NSDHL: variants seen among roughly 807,000 people sequenced by gnomAD.
NSDHL encodes the protein sterol-4-alpha-carboxylate 3-dehydrogenase, decarboxylating.
In NSDHL, 1 loss-of-function variant was observed where a neutral mutation model predicts 23.0. The observed-to-expected ratio is 0.04, with a 90% CI of 0.02 to 0.21. NSDHL has a LOEUF of 0.21. NSDHL is among the 10% of genes least tolerant of loss of function. The probability of loss-of-function intolerance (pLI) is 1.00; values close to 1 mark genes in which losing one functional copy is unlikely to be tolerated. For missense variants in NSDHL, 237 were observed against 300.9 expected (o/e 0.79, Z 1.57); for synonymous variants, 128 against 121.1 (o/e 1.06, Z -0.37).
At position 152,853,052 on chromosome X, in the gene NSDHL, A is replaced by G. The variant is rs1239659163; in HGVS notation, c.267+2629A>G. The stretch of plus-strand genomic sequence containing the variant: ...GACAGTGTCACAGTGACTCCATCCC[A>G]TCTCATGGATTAATTACTGTCTAGA... On this transcript the variant is annotated intron_variant, in intron 3 of 7. Coordinates refer to ENST00000370274, the MANE Select transcript of NSDHL (RefSeq NM_015922.3). 3.7e-5 allele frequency among the ~76,000 whole-genome samples: 4 copies of G among 108,357 alleles called. No homozygotes were observed. In the Admixed American group the frequency reaches 4.0e-4, roughly 11 times the overall value. The allele number at this position is 108,357 out of a possible 115,157, so 94.1% of individuals were successfully genotyped here. A position where few individuals can be genotyped will look rare whatever the true frequency, so the allele number is the denominator to read the frequency against.
intron 1 of NSDHL, among the ~76,000 whole-genome samples, chrX:152,843,979 A>C (rs1375163553): frequency 8.9e-6 from 1 of 111,862 alleles, no homozygotes; most frequent in Admixed American, 9.5e-5. Flanking sequence ...TTTCCAGGAC[A>C]GATAGGACAG....
rs370297351 is a variant in NSDHL, at chrX:152,868,709, C to T, written c.790-75C>T. On this transcript the variant is annotated intron_variant, in intron 7 of 7. Transcript: ENST00000370274. ...TTAGGCAGTGAGAATGCGATCTGCACGGGCTTAATAGATGCTTCAACTTTG... is the reference window on the plus strand; with the variant it reads ...TTAGGCAGTGAGAATGCGATCTGCATGGGCTTAATAGATGCTTCAACTTTG... 326 of 897,437 alleles carry T rather than the reference C, an allele frequency of 3.6e-4. No homozygotes were observed. In the South Asian group the frequency reaches 5.3e-3, roughly 15 times the overall value. The allele number at this position is 897,437 out of a possible 1,213,427, so 74.0% of individuals were successfully genotyped here.
intron 6 of NSDHL, among the ~76,000 whole-genome samples, chrX:152,866,190 T>C (rs782188020): frequency 8.9e-6 from 1 of 112,513 alleles, no homozygotes; most frequent in South Asian, 3.7e-4. Context: ...ATTGAGGCCC[T>C]GTTCCTCATG....
chrX:152,839,088 A>G (rs1465254062), intron 1 of NSDHL, among the ~76,000 whole-genome samples: 1 of 111,994 alleles, frequency 8.9e-6, no homozygotes, highest in Non-Finnish European at 1.9e-5. Flanking sequence ...TTGTTGGTTT[A>G]AAGTCTGTTT....
Position 152,846,582 on chromosome X carries a change from G to A in NSDHL, c.108+150G>A, listed in dbSNP as rs943980927. On this transcript the variant is annotated intron_variant, in intron 2 of 7. Transcript: ENST00000370274. ...TAAGATGTGTCAGTTACTTATTGCT[G>A]TGTAACAATATCAGAACACAGTGGT... 44 of 506,084 alleles carry A rather than the reference G, an allele frequency of 8.7e-5. 4 individuals are homozygous for A. Among genetic ancestry groups the A allele is most frequent in the East Asian group, 3.3e-4 (9 of 27,360 alleles). 41.7% of individuals were successfully genotyped at this position (506,084 alleles called of 1,213,427 possible). A position where few individuals can be genotyped will look rare whatever the true frequency, so the allele number is the denominator to read the frequency against.
At chrX:152,834,615 T>G (rs193183408) in intron 1 of NSDHL, among the ~76,000 whole-genome samples, 21 of 112,740 alleles carry the variant, frequency 1.9e-4, no homozygotes, top group African/African-American at 6.8e-4. Context: ...TTGCTGTATT[T>G]TCTCTAAGAA....
rs185043153 is a variant in NSDHL at position 152,837,551 on chromosome X, A to G, written c.-44+6434A>G. 5.3e-5 allele frequency among the ~76,000 whole-genome samples: 6 copies of G among 112,386 alleles called. No homozygotes were observed. The East Asian group carries it at 1.7e-3, about 31-fold the overall frequency. On this transcript the variant is annotated intron_variant, in intron 1 of 7. Coordinates refer to ENST00000370274, the MANE Select transcript of NSDHL (RefSeq NM_015922.3). The stretch of plus-strand genomic sequence containing the variant: ...AGGCCTTTTCTGCATCTATTGAGAT[A>G]ATCATGTGGTTTTTGTCTTTGGTTC...
chrX:152,868,430 G>T (rs987456038), intron 7 of NSDHL, among the ~76,000 whole-genome samples: 8 of 112,077 alleles, frequency 7.1e-5, no homozygotes, highest in African/African-American at 2.6e-4. Context: ...ACCGCGCCTG[G>T]CCCGGGTGTG....
chrX:152,860,305 G>A (rs1272555360), intron 4 of NSDHL, among the ~76,000 whole-genome samples: 1 of 112,105 alleles, frequency 8.9e-6, no homozygotes, highest in Non-Finnish European at 1.9e-5. Context: ...AATGGGAGAG[G>A]TGGGGTCAAA....
At chrX:152,841,454 C>T (rs1933191466) in intron 1 of NSDHL, among the ~76,000 whole-genome samples, 1 of 112,483 alleles carries the variant, frequency 8.9e-6, no homozygotes, top group Admixed American at 9.4e-5. Flanking sequence ...ACTGAGTTCA[C>T]ATCTCTTTAG....
intron 2 of NSDHL, among the ~76,000 whole-genome samples, chrX:152,847,159 C>T (rs1192972795): frequency 1.2e-4 from 13 of 111,191 alleles, no homozygotes; most frequent in African/African-American, 3.6e-4. Flanking sequence ...AAAAATTAGC[C>T]AGGCATGGTG....
At chrX:152,831,284 G>A (rs1239421261) in intron 1 of NSDHL, among the ~76,000 whole-genome samples, 167 bp downstream of exon 1, 1 of 111,936 alleles carries the variant, frequency 8.9e-6, no homozygotes, top group East Asian at 2.8e-4. Flanking sequence ...TACCTTGCGT[G>A]TTGGAGCAGG....
At chrX:152,846,464 A>T in intron 2 of NSDHL, 32 bp downstream of exon 2, 1 of 936,148 alleles carries the variant, frequency 1.1e-6, no homozygotes, top group Non-Finnish European at 1.6e-6. Flanking sequence ...ACATACCAAC[A>T]GGCTGATACT....
chrX:152,862,309 G>A lies in NSDHL; in HGVS notation c.415-287G>A, dbSNP rs782679566. ...GTCTATTCTATCTCTCAGGTGTGATGGGATAGAAAAAATGTGTTATCCCTT... is the reference window on the plus strand; with the variant it reads ...GTCTATTCTATCTCTCAGGTGTGATAGGATAGAAAAAATGTGTTATCCCTT... On this transcript the variant is annotated intron_variant, in intron 4 of 7. Transcript: ENST00000370274. 4.5e-5 allele frequency among the ~76,000 whole-genome samples: 5 copies of A among 112,072 alleles called. No individual in the cohort carries two copies. The South Asian group carries it at 1.9e-3, about 42-fold the overall frequency.
At chrX:152,860,164 G>T (rs1348740274) in intron 4 of NSDHL, among the ~76,000 whole-genome samples, 1 of 112,580 alleles carries the variant, frequency 8.9e-6, no homozygotes, top group Non-Finnish European at 1.9e-5. Context: ...GCTCTTCTGG[G>T]CTTGGGCCCT....
chrX:152,860,667 T>C (rs782263048), intron 4 of NSDHL, among the ~76,000 whole-genome samples: 1 of 110,251 alleles, frequency 9.1e-6, no homozygotes, highest in East Asian at 2.9e-4. Context: ...TGAGCTGTGA[T>C]CCCAACACTA....
intron 4 of NSDHL, among the ~76,000 whole-genome samples, chrX:152,860,456 A>G (rs943043903): frequency 9.0e-6 from 1 of 111,581 alleles, no homozygotes; most frequent in Non-Finnish European, 1.9e-5. Flanking sequence ...CGGCTCACAC[A>G]TGTAATCCCA....
At chrX:152,862,076 A>G (rs1933537823) in intron 4 of NSDHL, among the ~76,000 whole-genome samples, 2 of 112,660 alleles carry the variant, frequency 1.8e-5, no homozygotes. Context: ...AGCAGGCTGG[A>G]CGCTGGGGAC....
rs187522038 is a variant in NSDHL at position 152,865,487 on chromosome X, G to A, written c.544-332G>A. Among the ~76,000 whole-genome samples the A allele has an allele frequency of 1.6e-4, 18 of 113,159 alleles. No homozygotes were observed. In the East Asian group the frequency reaches 3.9e-3, roughly 24 times the overall value. On this transcript the variant is annotated intron_variant, in intron 5 of 7. Transcript: ENST00000370274. ...TGGACGTTTTCCACAAACTGCTGCC[G>A]AGGCATGTCTTCTGGCAGTGTTGGT...
Sources: allele counts gnomAD v4.1 joint callset (sites outside exome capture counted in the v4.1 genomes callset), GRCh38; gene constraint gnomAD v4.1.1; transcripts MANE v1.5; gene names NCBI Gene and HGNC (gene_info 2026-07-23, HGNC 2026-07-21).